TFRC: variants seen among roughly 807,000 people sequenced by gnomAD.
TFRC encodes transferrin receptor.
A neutral mutation model predicts 85.8 loss-of-function variants in TFRC; 35 were observed. The observed-to-expected ratio is 0.41, with a 90% CI of 0.31 to 0.54. The LOEUF (loss-of-function observed/expected upper bound fraction) is 0.54. Ranked by LOEUF, TFRC falls within the 20% of genes least tolerant of loss-of-function variation. TFRC has a pLI of 0.31. For synonymous variants in TFRC, 362 were observed against 328.6 expected (o/e 1.10, Z -1.10); for missense variants, 828 against 921.5 (o/e 0.90, Z 1.31).
Position 196,069,342 on chromosome 3 carries a change from G to C in TFRC, c.801+113C>G, listed in dbSNP as rs41303533. On this transcript the variant is annotated intron_variant, in intron 7 of 18. Transcript: ENST00000360110. ...TAATAAATTATATTATCTGGTATGA[G>C]AGTTTAAGATTGCTGATTTTCAGAA... 8.0e-4 allele frequency: 542 copies of C among 676,090 alleles called. 1 individual carries two copies. The African/African-American group carries it at 9.3e-3, about 12-fold the overall frequency. The allele number at this position is 676,090 out of a possible 1,614,324, so 41.9% of individuals were successfully genotyped here.
At chr3:196,080,128 T>C (rs1719044328) in intron 1 of TFRC, among the ~76,000 whole-genome samples, 1 of 152,180 alleles carries the variant, frequency 6.6e-6, no homozygotes, top group Admixed American at 6.5e-5. Flanking sequence ...GTTTTTGAGA[T>C]GGCATCTCGC....
At chr3:196,081,924 C>G (rs546685805) in intron 1 of TFRC, 119 bp downstream of exon 1, 1 of 152,544 alleles carries the variant, frequency 6.6e-6, no homozygotes, top group East Asian at 1.9e-4. Context: ...CGACCGCTTT[C>G]CCGCTCCCCG....
In TFRC at chr3:196,068,005, C is replaced by T. The variant is rs41295847; in HGVS notation, c.900+27G>A. 3.1e-4 allele frequency: 487 copies of T among 1,576,364 alleles called. 8 individuals carry two copies. In the East Asian group the frequency reaches 7.8e-3, roughly 25 times the overall value. ...CAAGAACAACTCAAGGAACTCAAAA[C>T]GGTGATTTACTCAAGAAATAACTCA... On this transcript the variant is annotated intron_variant, in intron 8 of 18. Coordinates refer to ENST00000360110, the MANE Select transcript of TFRC (RefSeq NM_001128148.3).
intron 18 of TFRC, among the ~76,000 whole-genome samples, chr3:196,053,095 CAACAGTGA>C (rs1256054664): frequency 2.0e-5 from 3 of 148,598 alleles, no homozygotes; most frequent in Non-Finnish European, 4.5e-5. Flanking sequence ...GCTTGGGCAA[CAACAGTGA>C]AACTCTGTCT....
At position 196,060,224 on chromosome 3, in the gene TFRC, C is replaced by A; in HGVS notation, c.1492G>T (p.Ala498Ser). Residue 498 changes from alanine to serine, a missense_variant, in exon 14 of 19, where the codon GCC becomes TCC. Coordinates refer to ENST00000360110, the MANE Select transcript of TFRC (RefSeq NM_001128148.3). The part of the protein sequence containing the change: ...VLGTSNFKVS[A>S]SPLLYTLIEK... ...ATAAGCGTATACAACAGTGGGCTGG[C>A]AGAAACCTTGAAGTTGCTGGTACCT... 1 of 1,614,026 alleles carries A rather than the reference C, an allele frequency of 6.2e-7. No individual in the cohort carries two copies. Among genetic ancestry groups the A allele is most frequent in the Non-Finnish European group, 8.5e-7 (1 of 1,179,962 alleles).
At chr3:196,074,191 T>C in intron 3 of TFRC, 66 bp from the exon 4 acceptor site, 1 of 1,441,744 alleles carries the variant, frequency 6.9e-7, no homozygotes, top group Non-Finnish European at 9.4e-7. Context: ...GTTAATCTGT[T>C]AATATTTTCA....
chr3:196,067,108 T>C (rs714602), intron 9 of TFRC, among the ~76,000 whole-genome samples: 45,061 of 152,160 alleles, frequency 0.3, 7,407 homozygotes, highest in Non-Finnish European at 0.38. Context: ...ACTGGAATCA[T>C]ACCGTATTGC....
intron 16 of TFRC, 117 bp downstream of exon 16, chr3:196,058,167 A>G (rs998301828): frequency 6.7e-6 from 5 of 748,976 alleles, no homozygotes; most frequent in Non-Finnish European, 1.1e-5. Context: ...ACTCCTCTGA[A>G]TATGTACATA....
At chr3:196,068,927 CAAAAAAAA>C (rs55642820) in intron 7 of TFRC, among the ~76,000 whole-genome samples, 7 of 85,278 alleles carry the variant, frequency 8.2e-5, no homozygotes, top group Non-Finnish European at 1.5e-4. Context: ...GACTCCGTCT[CAAAAAAAA>C]AAAAAAAAAA....
At chr3:196,068,610 CAAAA>C (rs55807772) in intron 7 of TFRC, among the ~76,000 whole-genome samples, 16 of 41,834 alleles carry the variant, frequency 3.8e-4, no homozygotes, top group African/African-American at 1.7e-3. Context: ...AACTCCCTCT[CAAAA>C]AAAAAAAAAA....
chr3:196,069,614 A>G, intron 6 of TFRC, 46 bp from the exon 7 acceptor site: 1 of 1,227,742 alleles, frequency 8.1e-7, no homozygotes, highest in Middle Eastern at 2.1e-4. Flanking sequence ...GTATCGGAAC[A>G]GCTCTAAAAT....
In TFRC at chr3:196,052,038, C is replaced by G. The variant is rs776066581; in HGVS notation, c.2187G>C (p.Thr729=). ...RKQNNGAFNE[T]LFRNQLALAT... ...CTAGAGCCAACTGGTTTCTGAACAG[C>G]GTTTCATTAAAAGCACCGTTATTTT... Residue 729 remains threonine (T), a synonymous_variant, in exon 19 of 19, where the codon ACG becomes ACC. Coordinates refer to ENST00000360110, the MANE Select transcript of TFRC (RefSeq NM_001128148.3). 1.2e-6 allele frequency: 2 copies of G among 1,614,128 alleles called. No homozygotes were observed.
chr3:196,067,983 G>T, intron 8 of TFRC, 49 bp downstream of exon 8: 2 of 1,488,680 alleles, frequency 1.3e-6, no homozygotes, highest in South Asian at 1.2e-5. Flanking sequence ...AGGAATCCAA[G>T]AACAACTCAA....
rs746338162 is a variant in TFRC at position 196,067,530 on chromosome 3, T to C, written c.1028A>G (p.Glu343Gly). Residue 343 changes from glutamate (E) to glycine (G), a missense_variant, in exon 9 of 19, where the codon GAA (glutamate) becomes GGA (glycine). By Grantham distance (98) the Glu-to-Gly change is moderately conservative. Coordinates refer to ENST00000360110, the MANE Select transcript of TFRC (RefSeq NM_001128148.3). ...PVQTISRAAA[E>G]KLFGNMEGDC... ...AATAAAAACTTACCCAAACAGCTTT[T>C]CTGCAGCAGCTCTGGAGATTGTCTG... 21 of 1,613,426 alleles carry C rather than the reference T, an allele frequency of 1.3e-5. No individual in the cohort carries two copies. Among genetic ancestry groups the C allele is most frequent in the Non-Finnish European group, 1.7e-5 (20 of 1,179,776 alleles).
Position 196,067,647 on chromosome 3 carries a change from C to T in TFRC, c.911G>A (p.Gly304Glu). The part of the protein sequence containing the change: ...ELSFFGHAHL[G>E]TGDPYTPGFP... ...TCCAGGTGTGTAAGGGTCACCTGTC[C>T]CCAGATGAGCCTAGGAAAACAAAAG... The change falls in exon 9 of 19, where the codon GGG becomes GAG. Residue 304 changes from glycine to glutamate, a missense_variant. Transcript: ENST00000360110. 6.2e-7 allele frequency: 1 copy of T among 1,612,852 alleles called. No individual in the cohort carries two copies. Among genetic ancestry groups the T allele is most frequent in the East Asian group, 2.2e-5 (1 of 44,854 alleles).
intron 2 of TFRC, among the ~76,000 whole-genome samples, chr3:196,076,592 G>A (rs943200619): frequency 1.3e-5 from 2 of 152,060 alleles, no homozygotes; most frequent in Admixed American, 1.3e-4. Flanking sequence ...TGGGACTACA[G>A]GCATGCGCCA....
intron 2 of TFRC, 68 bp from the exon 3 acceptor site, chr3:196,075,428 T>A: frequency 2.0e-6 from 3 of 1,467,310 alleles, no homozygotes; most frequent in Non-Finnish European, 2.9e-6. Flanking sequence ...CGTTTAGGTA[T>A]ATGCTTGTTA....
intron 13 of TFRC, chr3:196,062,375 T>C (rs1223846944): frequency 5.7e-6 from 3 of 530,784 alleles, no homozygotes; most frequent in Admixed American, 3.6e-5. Context: ...CTACTAAAAA[T>C]ACAAAAAATT....
intron 11 of TFRC, 96 bp from the exon 12 acceptor site, chr3:196,063,035 C>A: frequency 1.0e-5 from 9 of 869,852 alleles, no homozygotes; most frequent in South Asian, 5.8e-5. Context: ...GGTCTAATTC[C>A]AAGATAGCAG....
Sources: gnomAD v4.1 joint callset for allele counts (sites outside exome capture counted in the v4.1 genomes callset) on GRCh38, gnomAD v4.1.1 for gene constraint, MANE v1.5 for transcripts, NCBI Gene and HGNC (gene_info 2026-07-23, HGNC 2026-07-21) for gene names.